The following VWA3B variants were observed in gnomAD, a reference collection of about 807,000 sequenced individuals.
The protein encoded by VWA3B is von Willebrand factor A domain-containing protein 3B.
Under a neutral mutation model 158.3 loss-of-function variants are expected in VWA3B, and 138 were observed. The observed-to-expected ratio is 0.87, with a 90% CI of 0.76 to 1.00. The LOEUF (loss-of-function observed/expected upper bound fraction) is 1.00. VWA3B is among the 50% of genes least tolerant of loss of function. The probability of loss-of-function intolerance (pLI) is 0.00; values close to 1 mark genes in which losing one functional copy is unlikely to be tolerated. For synonymous variants in VWA3B, 596 were observed against 587.3 expected (o/e 1.01, Z -0.21); for missense variants, 1,555 against 1,565.1 (o/e 0.99, Z 0.11).
chr2:98,188,254 A>G, intron 10 of VWA3B, 125 bp downstream of exon 10: 2 of 1,284,918 alleles, frequency 1.6e-6, no homozygotes, highest in Non-Finnish European at 2.1e-6. Context: ...TATGTGATAC[A>G]GAGTGATATT....
chr2:98,301,104 C>T (rs1238604382), intron 25 of VWA3B, among the ~76,000 whole-genome samples: 1 of 152,054 alleles, frequency 6.6e-6, no homozygotes, highest in Non-Finnish European at 1.5e-5. Flanking sequence ...TCCTGGCTAA[C>T]ACGGTGAAAC....
chr2:98,235,986 C>T (rs1305887172), intron 17 of VWA3B, among the ~76,000 whole-genome samples: 1 of 152,156 alleles, frequency 6.6e-6, no homozygotes, highest in African/African-American at 2.4e-5. Flanking sequence ...TGGTTTTCTA[C>T]AGAAAGCTGA....
intron 10 of VWA3B, among the ~76,000 whole-genome samples, chr2:98,189,880 C>T (rs1025069180): frequency 3.9e-5 from 6 of 152,102 alleles, no homozygotes; most frequent in African/African-American, 1.2e-4. Context: ...AACCGCCCTA[C>T]ATTATTTTTA....
intron 7 of VWA3B, among the ~76,000 whole-genome samples, chr2:98,155,917 G>A (rs1678029058): frequency 6.6e-6 from 1 of 152,138 alleles, no homozygotes; most frequent in Admixed American, 6.5e-5. Context: ...ATTTTGGAGA[G>A]TGATCATGTA....
chr2:98,290,778 C>A, intron 23 of VWA3B, 156 bp downstream of exon 23: 2 of 582,102 alleles, frequency 3.4e-6, no homozygotes, highest in Non-Finnish European at 6.0e-6. Context: ...ATATCTCTGG[C>A]CAGCTCATGA....
chr2:98,303,939 G>A lies in VWA3B; in HGVS notation c.3521+137G>A, dbSNP rs1354424613. 1.1e-5 allele frequency: 9 copies of A among 792,112 alleles called. No homozygotes were observed. In the East Asian group the frequency reaches 1.4e-4, roughly 12 times the overall value. 49.1% of individuals were successfully genotyped at this position (792,112 alleles called of 1,614,324 possible). ...TGCAGAATGTCCTACTTAAAATGTA[G>A]CTCTGTGTTTATTATTCCTTCGACG... On this transcript the variant is annotated intron_variant, in intron 26 of 27. Transcript: ENST00000477737.
Position 98,194,475 on chromosome 2 carries a change from T to G in VWA3B, c.1720T>G (p.Trp574Gly). The G allele has an allele frequency of 6.2e-7, 1 of 1,613,980 alleles. No homozygotes were observed. The highest frequency in any genetic ancestry group is 2.2e-5 in the East Asian group (1 of 44,870). Residue 574 changes from tryptophan to glycine, a missense_variant, in exon 12 of 28, where the codon TGG becomes GGG. By Grantham distance (184) the Trp-to-Gly change is radical. Coordinates refer to ENST00000477737, the MANE Select transcript of VWA3B (RefSeq NM_144992.5). ...NEDNLEQAQS[W>G]IRDIKIGSST... ...AGATAATTTGGAACAGGCTCAGTCCTGGATTAGAGACATAAAGGTAAGTTG... is the reference window on the plus strand; with the variant it reads ...AGATAATTTGGAACAGGCTCAGTCCGGGATTAGAGACATAAAGGTAAGTTG...
At chr2:98,254,996 A>G (rs956031659) in intron 20 of VWA3B, among the ~76,000 whole-genome samples, 2 of 151,698 alleles carry the variant, frequency 1.3e-5, no homozygotes, top group Non-Finnish European at 2.9e-5. Flanking sequence ...ATTGTATGGA[A>G]GCAGTGTTTT....
intron 5 of VWA3B, among the ~76,000 whole-genome samples, chr2:98,127,605 G>T (rs1018616089): frequency 3.2e-5 from 3 of 93,144 alleles, no homozygotes; most frequent in African/African-American, 4.5e-5. Flanking sequence ...GGGGGGGGGG[G>T]GGTGTGTCCT....
At chr2:98,090,588 C>G (rs1367859379) in intron 1 of VWA3B, among the ~76,000 whole-genome samples, 1 of 152,122 alleles carries the variant, frequency 6.6e-6, no homozygotes, top group African/African-American at 2.4e-5. Context: ...TCCACTCCTA[C>G]GTGATGCTCT....
chr2:98,248,867 C>A (rs77481767), intron 19 of VWA3B, among the ~76,000 whole-genome samples: 4 of 75,096 alleles, frequency 5.3e-5, no homozygotes, highest in African/African-American at 1.7e-4. Flanking sequence ...TTCTTTCTTT[C>A]TTTCTTTCTT....
intron 6 of VWA3B, 53 bp downstream of exon 6, chr2:98,128,461 A>G: frequency 3.2e-6 from 5 of 1,586,572 alleles, no homozygotes; most frequent in Non-Finnish European, 4.3e-6. Flanking sequence ...CTGCTCACAC[A>G]GGATCAACAG....
intron 26 of VWA3B, among the ~76,000 whole-genome samples, chr2:98,307,616 C>G (rs1464384744): frequency 6.6e-6 from 1 of 152,176 alleles, no homozygotes; most frequent in African/African-American, 2.4e-5. Flanking sequence ...AATGTTAGCA[C>G]AGGTCTTTGA....
chr2:98,288,482 G>A (rs1430412871), intron 22 of VWA3B, among the ~76,000 whole-genome samples: 5 of 152,170 alleles, frequency 3.3e-5, no homozygotes, highest in Non-Finnish European at 4.4e-5. Context: ...GCTGCTTTGA[G>A]TGTTTTCTGC....
At chr2:98,262,416 T>C (rs1243072015) in intron 21 of VWA3B, among the ~76,000 whole-genome samples, 1 of 151,840 alleles carries the variant, frequency 6.6e-6, no homozygotes, top group Non-Finnish European at 1.5e-5. Flanking sequence ...TAGGCTTGGA[T>C]ATTTAATCTG....
intron 22 of VWA3B, among the ~76,000 whole-genome samples, chr2:98,289,774 G>C (rs1689379304): frequency 6.6e-6 from 1 of 152,134 alleles, no homozygotes; most frequent in Admixed American, 6.5e-5. Context: ...TCATGGTGCT[G>C]GTGTAGTCTT....
intron 2 of VWA3B, among the ~76,000 whole-genome samples, chr2:98,103,250 G>C (rs1683210847): frequency 6.6e-6 from 1 of 151,942 alleles, no homozygotes; most frequent in Admixed American, 6.6e-5. Flanking sequence ...TTTTTAGTTT[G>C]CTGGTTTTTA....
chr2:98,227,644 G>C (rs1225842008), intron 14 of VWA3B, among the ~76,000 whole-genome samples: 1 of 152,166 alleles, frequency 6.6e-6, no homozygotes, highest in Admixed American at 6.5e-5. Context: ...CAGGAAAAAA[G>C]AGTAATTTCT....
chr2:98,093,013 A>G (rs1682457586), intron 1 of VWA3B, 48 bp from the exon 2 acceptor site: 3 of 1,410,590 alleles, frequency 2.1e-6, no homozygotes, highest in East Asian at 4.7e-5. Context: ...TTGACGTTAG[A>G]TGATTTCCAA....
Sources: gnomAD v4.1 joint callset for allele counts (sites outside exome capture counted in the v4.1 genomes callset) on GRCh38, gnomAD v4.1.1 for gene constraint, MANE v1.5 for transcripts, NCBI Gene and HGNC (gene_info 2026-07-23, HGNC 2026-07-21) for gene names.